The following FHAD1 variants were observed in gnomAD, a reference collection of about 807,000 sequenced individuals.
The protein encoded by FHAD1 is forkhead-associated domain-containing protein 1.
Under a neutral mutation model 191.3 loss-of-function variants are expected in FHAD1, and 146 were observed. That is an observed-to-expected ratio of 0.76 (90% CI 0.67 to 0.88). The LOEUF (loss-of-function observed/expected upper bound fraction) is 0.88. FHAD1 is among the 40% of genes least tolerant of loss of function. FHAD1 has a pLI of 0.00. For synonymous variants in FHAD1, 616 were observed against 672.3 expected (o/e 0.92, Z 1.29); for missense variants, 1,635 against 1,785.8 (o/e 0.92, Z 1.52).
At chr1:15,268,758 AT>A (rs1573813668) in intron 2 of FHAD1, among the ~76,000 whole-genome samples, 1 of 150,258 alleles carries the variant, frequency 6.7e-6, no homozygotes. Context: ...GATGGTGAGC[AT>A]TTTTTCATGT....
At chr1:15,331,702 G>T (rs1242749301) in intron 14 of FHAD1, among the ~76,000 whole-genome samples, 1 of 150,614 alleles carries the variant, frequency 6.6e-6, no homozygotes, top group Non-Finnish European at 1.5e-5. Context: ...CAGGAGGGAA[G>T]GCAGGAAGGA....
chr1:15,356,687 C>T lies in FHAD1; in HGVS notation c.2563-1423C>T, dbSNP rs7520513. Among the ~76,000 whole-genome samples the T allele has an allele frequency of 4.4e-3, 673 of 152,260 alleles. 8 individuals carry two copies. Among genetic ancestry groups the T allele is most frequent in the African/African-American group, 0.016 (651 of 41,536 alleles). On this transcript the variant is annotated intron_variant, in intron 20 of 33. Coordinates refer to ENST00000688493, the MANE Select transcript of FHAD1 (RefSeq NM_001391957.1). The stretch of plus-strand genomic sequence containing the variant: ...AGGAGTTCAAGACCAGCCTGGCCAA[C>T]ATGGCAAAACCGCATCTCTGCTAAA...
Position 15,360,684 on chromosome 1 carries a change from A to G in FHAD1, c.2943A>G (p.Thr981=), listed in dbSNP as rs1278955037. Residue 981 remains threonine, a synonymous_variant, in exon 22 of 34, where the codon ACA becomes ACG. Coordinates refer to ENST00000688493, the MANE Select transcript of FHAD1 (RefSeq NM_001391957.1). The stretch of plus-strand genomic sequence containing the variant: ...AAAAAATAGAAGGCGAGATTGCAAC[A>G]TTGAAGGACAATGACCCAGGTAAGT... The part of the protein sequence containing the change: ...HHKKIEGEIA[T]LKDNDPAPKE... The G allele has an allele frequency of 6.4e-7, 1 of 1,551,688 alleles. No homozygotes were observed. Among genetic ancestry groups the G allele is most frequent in the African/African-American group, 1.4e-5 (1 of 73,146 alleles).
chr1:15,390,238 G>A (rs1703571522), intron 32 of FHAD1, among the ~76,000 whole-genome samples: 1 of 151,382 alleles, frequency 6.6e-6, no homozygotes, highest in Non-Finnish European at 1.5e-5. Context: ...CCAAGCTATC[G>A]GGAGGCTGAG....
intron 33 of FHAD1, among the ~76,000 whole-genome samples, chr1:15,392,929 A>T (rs762104436): frequency 1.3e-4 from 20 of 152,172 alleles, no homozygotes; most frequent in Non-Finnish European, 2.6e-4. Context: ...GAGAAGGGCG[A>T]ACAAAAAGAG....
In FHAD1 at chr1:15,272,370, G is replaced by A. The variant is rs772727638; in HGVS notation, c.141G>A (p.Ala47=). 4.3e-5 allele frequency: 67 copies of A among 1,551,572 alleles called. No individual in the cohort carries two copies. The highest frequency in any genetic ancestry group is 2.1e-4 in the African/African-American group (15 of 73,042). The change falls in exon 3 of 34, where the codon GCG becomes GCA. Residue 47 remains alanine (A), a synonymous_variant. Coordinates refer to ENST00000688493, the MANE Select transcript of FHAD1 (RefSeq NM_001391957.1). ...ATGCACTCATTGAATATAACGAGGC[G>A]GAGTGCAGCTTTGTTCTCCAGGACT... ...NHHALIEYNE[A]ECSFVLQDFN...
At chr1:15,375,439 G>A (rs2496343) in intron 27 of FHAD1, among the ~76,000 whole-genome samples, 164 bp from the exon 28 acceptor site, 75 of 152,224 alleles carry the variant, frequency 4.9e-4, no homozygotes, top group African/African-American at 1.6e-3. Flanking sequence ...GGTGACCTTG[G>A]CCAGGTCATT....
chr1:15,374,859 T>G (rs199794528), intron 27 of FHAD1, among the ~76,000 whole-genome samples: 8,558 of 129,384 alleles, frequency 0.066, 343 homozygotes, highest in Middle Eastern at 0.1. Flanking sequence ...TTTTTTTTTT[T>G]GTTTGTTTTT....
chr1:15,250,526 A>G (rs1752005), intron 1 of FHAD1, among the ~76,000 whole-genome samples: 44,317 of 152,044 alleles, frequency 0.29, 7,507 homozygotes, highest in Non-Finnish European at 0.39. Flanking sequence ...TGCTGGGGGG[A>G]ATACTGTGCA....
intron 2 of FHAD1, among the ~76,000 whole-genome samples, chr1:15,255,120 T>TAAAAAA (rs55969718): frequency 6.8e-6 from 1 of 147,764 alleles, no homozygotes. Context: ...TCAGGAATCT[T>TAAAAAA]AAAAAAGTCA....
intron 1 of FHAD1, among the ~76,000 whole-genome samples, chr1:15,248,521 C>T (rs1303055144): frequency 6.6e-6 from 1 of 151,844 alleles, no homozygotes; most frequent in Non-Finnish European, 1.5e-5. Context: ...CAGGAAACTC[C>T]AGTCTTTTAA....
chr1:15,316,301 C>A lies in FHAD1; in HGVS notation c.1171-77C>A. On this transcript the variant is annotated intron_variant, in intron 8 of 33. Coordinates refer to ENST00000688493, the MANE Select transcript of FHAD1 (RefSeq NM_001391957.1). This position sits in a 1 kb window ranked among gnomAD's most constrained non-coding sequence, Gnocchi z 4.3. ...AATGCTCTCAGGGGCTCACATGGGG[C>A]CTTGGAGCCCCTCCTTCCCCCGACA... is the stretch of plus-strand genomic sequence containing the variant. 2 of 1,155,260 alleles carry A rather than the reference C, an allele frequency of 1.7e-6. No individual in the cohort carries two copies. The highest frequency in any genetic ancestry group is 2.5e-6 in the Non-Finnish European group (2 of 792,634). The allele number at this position is 1,155,260 out of a possible 1,614,324, so 71.6% of individuals were successfully genotyped here.
chr1:15,326,838 T>G, intron 11 of FHAD1: 1 of 516,780 alleles, frequency 1.9e-6, no homozygotes, highest in Non-Finnish European at 3.5e-6. Flanking sequence ...ATCGTTCGGG[T>G]TAGGCAGGCG....
intron 3 of FHAD1, among the ~76,000 whole-genome samples, chr1:15,283,423 AC>A (rs1174218376): frequency 1.3e-5 from 2 of 152,238 alleles, no homozygotes; most frequent in African/African-American, 4.8e-5. Context: ...AGCACTGCCA[AC>A]ACACAGACGC....
At chr1:15,296,843 C>A in intron 5 of FHAD1, 50 bp downstream of exon 5, 2 of 1,439,532 alleles carry the variant, frequency 1.4e-6, no homozygotes, top group South Asian at 1.3e-5. Flanking sequence ...AAGCGCACTG[C>A]AAAGGGACTT....
At chr1:15,333,475 T>A (rs530985622) in intron 14 of FHAD1, among the ~76,000 whole-genome samples, 110 of 152,310 alleles carry the variant, frequency 7.2e-4, no homozygotes, top group Non-Finnish European at 1.4e-3. Context: ...CATGATCTCA[T>A]TTCATCCTCA....
At chr1:15,255,689 C>T (rs1647702992) in intron 2 of FHAD1, among the ~76,000 whole-genome samples, 1 of 150,508 alleles carries the variant, frequency 6.6e-6, no homozygotes, top group Non-Finnish European at 1.5e-5. Context: ...TACGTCAGGG[C>T]TCTAAAGGAA....
intron 14 of FHAD1, among the ~76,000 whole-genome samples, chr1:15,337,316 G>A (rs760819072): frequency 1.3e-5 from 2 of 152,102 alleles, no homozygotes; most frequent in African/African-American, 2.4e-5. Flanking sequence ...ACACCCCACC[G>A]CAACCCCAAC....
intron 19 of FHAD1, among the ~76,000 whole-genome samples, chr1:15,350,798 G>A (rs1690592618): frequency 6.6e-6 from 1 of 152,176 alleles, no homozygotes; most frequent in South Asian, 2.1e-4. Context: ...CAGTTGAGTG[G>A]GCACAGCAGG....
Sources: allele counts gnomAD v4.1 joint callset (sites outside exome capture counted in the v4.1 genomes callset), GRCh38; gene constraint gnomAD v4.1.1; non-coding constraint Gnocchi (gnomAD v3.1); transcripts MANE v1.5; gene names NCBI Gene and HGNC (gene_info 2026-07-23, HGNC 2026-07-21).